The following NRG2 variants were observed in gnomAD, a reference collection of about 807,000 sequenced individuals.
NRG2 encodes the protein pro-neuregulin-2, membrane-bound isoform.
A neutral mutation model predicts 73.9 loss-of-function variants in NRG2; 27 were observed. The ratio of observed to expected loss-of-function variants is 0.37; its 90% CI spans 0.27 to 0.50. The LOEUF is 0.50. Among genes scored for constraint, NRG2 ranks in the 20% least tolerant of loss-of-function variants. The pLI is 0.96. For synonymous variants in NRG2, 532 were observed against 541.0 expected, an observed-to-expected ratio of 0.98 and a Z score of 0.23; for missense variants, 1,126 against 1,210.1, an observed-to-expected ratio of 0.93 and a Z score of 1.03.
intron 1 of NRG2, among the ~76,000 whole-genome samples, chr5:139,973,089 T>G (rs1756091569): frequency 7.1e-6 from 1 of 141,436 alleles, no homozygotes; most frequent in African/African-American, 2.6e-5. Flanking sequence ...TCAAAAGCCT[T>G]ATAACATACA....
At chr5:139,881,785 T>C (rs976132641) in intron 2 of NRG2, among the ~76,000 whole-genome samples, 7 of 152,222 alleles carry the variant, frequency 4.6e-5, no homozygotes, top group Non-Finnish European at 1.0e-4. Context: ...AAGCTGGGGC[T>C]AGCCCTGAAG....
chr5:140,042,587 T>C lies in NRG2; in HGVS notation c.483A>G (p.Val161=). ...GGAGCGGCCACTTGTCCAGCACCTT[T>C]ACCAACGCCACCCGACCCGAGGCGG... ...EPPASGRVAL[V]KVLDKWPLRS... The change falls in exon 1 of 10, where the codon GTA becomes GTG. Residue 161 remains valine, a synonymous_variant. Transcript: ENST00000361474. 1 of 1,612,348 alleles carries C rather than the reference T, an allele frequency of 6.2e-7. No homozygotes were observed. Among genetic ancestry groups the C allele is most frequent in the Non-Finnish European group, 8.5e-7 (1 of 1,179,614 alleles).
intron 1 of NRG2, among the ~76,000 whole-genome samples, chr5:139,907,463 G>A (rs1013959217): frequency 1.3e-5 from 2 of 152,186 alleles, no homozygotes; most frequent in African/African-American, 2.4e-5. Flanking sequence ...GTAGGTAGTA[G>A]GTACCTCCTT....
rs1423038984 is a variant in NRG2, at chr5:139,847,564, C to T, written c.*353G>A. On this transcript the variant is annotated 3_prime_UTR_variant, in exon 10 of 10. Transcript: ENST00000361474. ...CAGCACCCCACAACCCAGACCTGTC[C>T]CCCGGAGCCCCAGATGAGCATACAG... is the stretch of plus-strand genomic sequence containing the variant. 6.1e-6 allele frequency: 1 copy of T among 165,226 alleles called. No individual in the cohort carries two copies. Among genetic ancestry groups the T allele is most frequent in the Non-Finnish European group, 1.3e-5 (1 of 77,410 alleles). The allele number at this position is 165,226 out of a possible 1,614,324, so 10.2% of individuals were successfully genotyped here.
intron 1 of NRG2, among the ~76,000 whole-genome samples, chr5:140,025,104 GA>G (rs904006014): frequency 2.6e-4 from 39 of 152,028 alleles, no homozygotes; most frequent in African/African-American, 9.4e-4. Flanking sequence ...ATTTCAAAAC[GA>G]AAAAAACCCC....
intron 1 of NRG2, among the ~76,000 whole-genome samples, chr5:139,920,376 A>C (rs902228705): frequency 1.3e-5 from 2 of 152,238 alleles, no homozygotes; most frequent in Non-Finnish European, 2.9e-5. Flanking sequence ...ATAAGCCATT[A>C]GTTTCTTGAG....
At chr5:139,874,122 C>T (rs1187579712) in intron 3 of NRG2, among the ~76,000 whole-genome samples, 1 of 152,254 alleles carries the variant, frequency 6.6e-6, no homozygotes, top group Non-Finnish European at 1.5e-5. Context: ...CAAAGCCATA[C>T]TCCAGGGAGA....
At position 139,954,418 on chromosome 5, in the gene NRG2, C is replaced by G. The variant is rs1221630365; in HGVS notation, c.701-66907G>C. Among the ~76,000 whole-genome samples the G allele has an allele frequency of 6.6e-6, 1 of 152,336 alleles. No individual in the cohort carries two copies. The highest frequency in any genetic ancestry group is 6.5e-5 in the Admixed American group (1 of 15,308). ...GGAAGGGAGGGAAATTGTGCCAGCA[C>G]TCTCCTGGCTGTCCTGCCTGTTTTC... On this transcript the variant is annotated intron_variant, in intron 1 of 9. Coordinates refer to ENST00000361474, the MANE Select transcript of NRG2 (RefSeq NM_004883.3). The surrounding 1 kb of genome is among the most constrained non-coding windows in gnomAD (Gnocchi z 5.0).
At chr5:139,886,001 C>T (rs142194415) in intron 2 of NRG2, among the ~76,000 whole-genome samples, 5 of 152,066 alleles carry the variant, frequency 3.3e-5, no homozygotes, top group South Asian at 2.1e-4. Context: ...GGGGTGGTCT[C>T]GGAAGGTGGG....
rs770818466 is a variant in NRG2 at position 139,868,905 on chromosome 5, G to C, written c.1112+2816C>G. On this transcript the variant is annotated intron_variant, in intron 4 of 9. Transcript: ENST00000361474. The surrounding 1 kb of genome is among the most constrained non-coding windows in gnomAD (Gnocchi z 4.2). ...GGGGGATGAGCTGATGGGAAGGGGA[G>C]GCATGCCACTGGTATGTGCACAGGG... Among the ~76,000 whole-genome samples the C allele has an allele frequency of 1.0e-3, 157 of 151,924 alleles. 4 individuals carry two copies. The highest frequency in any genetic ancestry group is 4.6e-4 in the Admixed American group (7 of 15,276).
intron 1 of NRG2, among the ~76,000 whole-genome samples, chr5:139,938,749 G>A (rs1240791827): frequency 1.3e-5 from 2 of 151,078 alleles, no homozygotes; most frequent in Non-Finnish European, 2.9e-5. Flanking sequence ...ATTGATTGTT[G>A]ACAAAGGTTT....
At chr5:140,034,947 C>G (rs746524010) in intron 1 of NRG2, among the ~76,000 whole-genome samples, 6 of 152,116 alleles carry the variant, frequency 3.9e-5, no homozygotes, top group Non-Finnish European at 8.8e-5. Context: ...CTAGGCTGGA[C>G]GCAGTGGCTC....
chr5:140,028,174 C>G (rs1760851005), intron 1 of NRG2, among the ~76,000 whole-genome samples: 1 of 152,172 alleles, frequency 6.6e-6, no homozygotes, highest in East Asian at 1.9e-4. Flanking sequence ...TCAATAAGGT[C>G]TATAGATTAG....
chr5:139,933,792 T>C (rs1317478985), intron 1 of NRG2, among the ~76,000 whole-genome samples: 1 of 152,228 alleles, frequency 6.6e-6, no homozygotes, highest in Non-Finnish European at 1.5e-5. Context: ...AAATGCATAT[T>C]CAAGAACACA....
In NRG2 at chr5:139,904,321, T is replaced by G. The variant is rs1438936051; in HGVS notation, c.701-16810A>C. The G allele has an allele frequency of 6.3e-7, 1 of 1,591,084 alleles. No homozygotes were observed. Among genetic ancestry groups the G allele is most frequent in the East Asian group, 2.3e-5 (1 of 44,126 alleles). ...AGGTGCCCTACCTTTCTCCCCGGGATCGGGCTCCCTCTCCCGCTTCCTCCC... is the reference window on the plus strand; with the variant it reads ...AGGTGCCCTACCTTTCTCCCCGGGAGCGGGCTCCCTCTCCCGCTTCCTCCC... On this transcript the variant is annotated intron_variant, in intron 1 of 9. Coordinates refer to ENST00000361474, the MANE Select transcript of NRG2 (RefSeq NM_004883.3). The surrounding 1 kb of genome is among the most constrained non-coding windows in gnomAD (Gnocchi z 6.0).
chr5:139,933,012 C>T (rs1449287332), intron 1 of NRG2, among the ~76,000 whole-genome samples: 3 of 152,312 alleles, frequency 2.0e-5, no homozygotes, highest in South Asian at 4.1e-4. Context: ...CGGTGGCTCA[C>T]GCCTGTAAGC....
In NRG2 at chr5:139,869,873, C is replaced by T. The variant is rs1053938121; in HGVS notation, c.1112+1848G>A. 1.3e-5 allele frequency among the ~76,000 whole-genome samples: 2 copies of T among 152,188 alleles called. No individual in the cohort carries two copies. Among genetic ancestry groups the T allele is most frequent in the East Asian group, 3.9e-4 (2 of 5,192 alleles). On this transcript the variant is annotated intron_variant, in intron 4 of 9. Transcript: ENST00000361474. This position sits in a 1 kb window ranked among gnomAD's most constrained non-coding sequence, Gnocchi z 4.5. ...CCCACATATCTCACCACTCCCTTGC[C>T]CACACCGAACTCTAGCACTGGAGCC...
intron 1 of NRG2, among the ~76,000 whole-genome samples, chr5:140,030,084 C>A (rs1761016592): frequency 6.6e-6 from 1 of 152,166 alleles, no homozygotes; most frequent in Non-Finnish European, 1.5e-5. Context: ...TTGGATTACT[C>A]CCTGAGTCAT....
chr5:139,868,402 G>A lies in NRG2; in HGVS notation c.1113-2777C>T, dbSNP rs532932179. On this transcript the variant is annotated intron_variant, in intron 4 of 9. Coordinates refer to ENST00000361474, the MANE Select transcript of NRG2 (RefSeq NM_004883.3). This position sits in a 1 kb window ranked among gnomAD's most constrained non-coding sequence, Gnocchi z 4.2. ...AACTCAGCATTGGGGGCTGGGTGGT[G>A]GTTGGTGGTTTCCACTGAAACTGGG... 9.9e-5 allele frequency among the ~76,000 whole-genome samples: 15 copies of A among 152,244 alleles called. No individual in the cohort carries two copies. The highest frequency in any genetic ancestry group is 4.6e-4 in the Admixed American group (7 of 15,310).
Sources: allele counts gnomAD v4.1 joint callset (sites outside exome capture counted in the v4.1 genomes callset), GRCh38; gene constraint gnomAD v4.1.1; non-coding constraint Gnocchi (gnomAD v3.1); transcripts MANE v1.5; gene names NCBI Gene and HGNC (gene_info 2026-07-23, HGNC 2026-07-21).